The following FCRL3 variants were observed in gnomAD, a reference collection of about 807,000 sequenced individuals.
FCRL3 encodes Fc receptor-like protein 3.
In FCRL3, 89 loss-of-function variants were observed where a neutral mutation model predicts 75.0. The ratio of observed to expected loss-of-function variants is 1.19; its 90% CI spans 1.00 to 1.42. The LOEUF (loss-of-function observed/expected upper bound fraction) is 1.42. Among genes scored for constraint, FCRL3 ranks in the 40% most tolerant of loss-of-function variants. The pLI is 0.00. For synonymous variants in FCRL3, 376 were observed against 348.5 expected (o/e 1.08, Z -0.88); for missense variants, 946 against 880.0 (o/e 1.07, Z -0.95).
At chr1:157,700,427 G>A (rs1656240803) in intron 2 of FCRL3, 32 bp downstream of exon 2, 5 of 1,613,804 alleles carry the variant, frequency 3.1e-6, no homozygotes, top group Non-Finnish European at 3.4e-6. Flanking sequence ...TAGGAACTGA[G>A]GCCGTGGCCC....
chr1:157,685,184 G>T (rs1655100113), intron 10 of FCRL3, among the ~76,000 whole-genome samples: 1 of 151,584 alleles, frequency 6.6e-6, no homozygotes, highest in Non-Finnish European at 1.5e-5. Flanking sequence ...GTATGTTATA[G>T]ATTAGAAAAT....
chr1:157,697,569 A>T (rs1656018892), intron 5 of FCRL3, 90 bp downstream of exon 5: 2 of 1,491,686 alleles, frequency 1.3e-6, no homozygotes, highest in Non-Finnish European at 1.8e-6. Flanking sequence ...GCCATAGGAG[A>T]CTCTTTATGA....
At chr1:157,695,963 A>C in intron 7 of FCRL3, 77 bp downstream of exon 7, 2 of 786,308 alleles carry the variant, frequency 2.5e-6, no homozygotes, top group Non-Finnish European at 3.5e-6. Context: ...TGCCTCTTTT[A>C]GGAGACCTTA....
chr1:157,697,508 A>G, intron 5 of FCRL3, 84 bp from the exon 6 acceptor site: 1 of 1,485,744 alleles, frequency 6.7e-7, no homozygotes, highest in East Asian at 2.3e-5. Context: ...AGCACCAGCC[A>G]TCAGGAGATA....
Position 157,678,974 on chromosome 1 carries a change from C to G in FCRL3, c.2027-1G>C. ...TCTTGATGCATCATTGGACAATTAG[C>G]TGTTGGGTAGGAGTAGCAAAGAAAA... On this transcript the variant is annotated splice_acceptor_variant, in intron 13 of 14. Coordinates refer to ENST00000368184, the MANE Select transcript of FCRL3 (RefSeq NM_052939.4). LOFTEE classifies it high-confidence loss of function. 6.2e-7 allele frequency: 1 copy of G among 1,614,126 alleles called. No homozygotes were observed. Among genetic ancestry groups the G allele is most frequent in the Non-Finnish European group, 8.5e-7 (1 of 1,180,002 alleles).
At chr1:157,700,323 C>G (rs888580024) in intron 2 of FCRL3, 136 bp downstream of exon 2, 1 of 1,332,248 alleles carries the variant, frequency 7.5e-7, no homozygotes, top group African/African-American at 1.5e-5. Context: ...TCCAGGGAAC[C>G]CAGCTCTGCT....
intron 2 of FCRL3, 97 bp from the exon 3 acceptor site, chr1:157,699,809 T>C (rs891711945): frequency 9.4e-5 from 129 of 1,369,046 alleles, no homozygotes; most frequent in Non-Finnish European, 1.3e-4. Context: ...ATCATTTCTT[T>C]GCTCCCTTTT....
At chr1:157,685,336 AC>A (rs1183563632) in intron 10 of FCRL3, among the ~76,000 whole-genome samples, 2 of 152,134 alleles carry the variant, frequency 1.3e-5, no homozygotes, top group African/African-American at 4.8e-5. Context: ...TAAAGCAATC[AC>A]CAGAGTAACA....
In FCRL3 at chr1:157,678,671, G is replaced by A. The variant is rs751018056; in HGVS notation, c.*39C>T. ...GGTTGGAGAGAACAGAAAAAAAAAT[G>A]GTGCAGGCTGTTTCCTGTGGGCCAC... On this transcript the variant is annotated 3_prime_UTR_variant, in exon 15 of 15. Coordinates refer to ENST00000368184, the MANE Select transcript of FCRL3 (RefSeq NM_052939.4). 6.2e-7 allele frequency: 1 copy of A among 1,608,108 alleles called. No individual in the cohort carries two copies. The highest frequency in any genetic ancestry group is 1.3e-5 in the African/African-American group (1 of 74,654).
chr1:157,684,348 C>T (rs1655043630), intron 10 of FCRL3, among the ~76,000 whole-genome samples: 1 of 152,214 alleles, frequency 6.6e-6, no homozygotes, highest in Admixed American at 6.5e-5. Context: ...ACATACCAGC[C>T]TTGACTCTCA....
chr1:157,685,816 C>T (rs1171520796), intron 10 of FCRL3, among the ~76,000 whole-genome samples: 1 of 151,940 alleles, frequency 6.6e-6, no homozygotes. Flanking sequence ...CTAACAAATA[C>T]ATGGAAATTA....
At chr1:157,699,255 T>C (rs372031022) in intron 3 of FCRL3, among the ~76,000 whole-genome samples, 1 of 152,110 alleles carries the variant, frequency 6.6e-6, no homozygotes, top group East Asian at 1.9e-4. Context: ...GGCATGGAAG[T>C]GAGGTGTGGC....
At position 157,679,828 on chromosome 1, in the gene FCRL3, C is replaced by CAAAAAAAAAA. The variant is rs879258382; in HGVS notation, c.2027-856_2027-855insTTTTTTTTTT. On this transcript the variant is annotated intron_variant, in intron 13 of 14. Coordinates refer to ENST00000368184, the MANE Select transcript of FCRL3 (RefSeq NM_052939.4). ...TGGGCGACAGAACGAGACCCCATCT[C>CAAAAAAAAAA]ACAAAAAAAAAAAAAAAAAAAAAAA... Among the ~76,000 whole-genome samples, 242 of 27,890 alleles carry CAAAAAAAAAA rather than the reference C, an allele frequency of 8.7e-3. 29 individuals are homozygous for CAAAAAAAAAA. The highest frequency in any genetic ancestry group is 0.014 in the Non-Finnish European group (158 of 11,034). The allele number at this position is 27,890 out of a possible 152,430, so 18.3% of individuals were successfully genotyped here.
chr1:157,699,549 G>T, intron 3 of FCRL3, 143 bp downstream of exon 3: 1 of 726,306 alleles, frequency 1.4e-6, no homozygotes, highest in Non-Finnish European at 2.2e-6. Flanking sequence ...AGGAGGCTCT[G>T]TTCACCCAAT....
rs769950501 is a variant in FCRL3, at chr1:157,697,664, A to T, written c.554T>A (p.Val185Asp). ...CACAGGAATCTAGCCATTACCTTGA[A>T]CTTGGATATTTAGGGGTTTTGAAGT... Reference protein sequence around the residue: ...EVTSKPLNIQVQELFLHPVLR... With the variant: ...EVTSKPLNIQDQELFLHPVLR... The change falls in exon 5 of 15, where the codon GTT becomes GAT. Residue 185 changes from valine (V) to aspartate (D), a missense_variant. Val to Asp is a radical substitution (Grantham distance 152). Transcript: ENST00000368184. 1 of 1,612,910 alleles carries T rather than the reference A, an allele frequency of 6.2e-7. No individual in the cohort carries two copies. The highest frequency in any genetic ancestry group is 8.5e-7 in the Non-Finnish European group (1 of 1,179,544).
chr1:157,693,609 A>G (rs1480721829), intron 8 of FCRL3, among the ~76,000 whole-genome samples: 1 of 152,252 alleles, frequency 6.6e-6, no homozygotes, highest in Admixed American at 6.5e-5. Context: ...TAAATGAAGC[A>G]TATTCAATTA....
chr1:157,682,464 T>A (rs534192943), intron 11 of FCRL3, among the ~76,000 whole-genome samples: 1 of 152,130 alleles, frequency 6.6e-6, no homozygotes, highest in Admixed American at 6.5e-5. Flanking sequence ...CTACATATGG[T>A]TAGCCAGTTT....
rs61746964 is a variant in FCRL3, at chr1:157,698,406, G to A, written c.276C>T (p.Ala92=). The change falls in exon 4 of 15, where the codon GCC becomes GCT. Residue 92 remains alanine, a synonymous_variant. Coordinates refer to ENST00000368184, the MANE Select transcript of FCRL3 (RefSeq NM_052939.4). ...CACCAGGTGAAAATTCCACATGCAC[G>A]GCATCACTGAGGGAGGATCCTCGGG... The part of the protein sequence containing the change: ...CKTRGSSLSD[A]VHVEFSPDWL... 7,267 of 1,614,140 alleles carry A rather than the reference G, an allele frequency of 4.5e-3. 229 individuals carry two copies. The African/African-American group carries it at 0.079, about 17-fold the overall frequency.
chr1:157,700,755 T>G lies in FCRL3; in HGVS notation c.-190A>C. ...ATCAGCTGCAGTCTCTCAGGAGTAA[T>G]GTCTCCAAGACTGTGCCTGGGTTCT... is the stretch of plus-strand genomic sequence containing the variant. On this transcript the variant is annotated 5_prime_UTR_variant, in exon 1 of 15. Transcript: ENST00000368184. 7.2e-7 allele frequency: 1 copy of G among 1,379,782 alleles called. No homozygotes were observed. The highest frequency in any genetic ancestry group is 9.4e-7 in the Non-Finnish European group (1 of 1,063,694). 85.5% of individuals were successfully genotyped at this position (1,379,782 alleles called of 1,614,324 possible).
Sources: gnomAD v4.1 joint callset for allele counts (sites outside exome capture counted in the v4.1 genomes callset) on GRCh38, gnomAD v4.1.1 for gene constraint, MANE v1.5 for transcripts, NCBI Gene and HGNC (gene_info 2026-07-23, HGNC 2026-07-21) for gene names.